PRR16: variants seen among roughly 807,000 people sequenced by gnomAD.
PRR16 encodes the protein protein Largen.
In PRR16, 6 loss-of-function variants were observed where a neutral mutation model predicts 18.2. The observed-to-expected ratio is 0.33, with a 90% CI of 0.18 to 0.65. The LOEUF (loss-of-function observed/expected upper bound fraction) is 0.65, where lower values mean the gene tolerates loss of function less well. Among genes scored for constraint, PRR16 ranks in the 30% least tolerant of loss-of-function variants. PRR16 has a pLI of 0.74. For missense variants in PRR16, 412 were observed against 376.6 expected (o/e 1.09, Z -0.78); for synonymous variants, 151 against 147.8 (o/e 1.02, Z -0.16).
chr5:120,757,736 G>T, the PRR16 span, among the ~76,000 whole-genome samples: 1 of 151,932 alleles, frequency 6.6e-6, no homozygotes, highest in Non-Finnish European at 1.5e-5. Flanking sequence ...TCATAGGTTT[G>T]GTGAATTGGC....
chr5:120,641,070 G>A (rs1052866534), intron 1 of PRR16, among the ~76,000 whole-genome samples: 2 of 152,140 alleles, frequency 1.3e-5, no homozygotes, highest in African/African-American at 4.8e-5. Flanking sequence ...GGAGCCAAAG[G>A]GTAATAACAA....
chr5:120,544,752 C>T (rs1752023851), intron 1 of PRR16, among the ~76,000 whole-genome samples: 1 of 152,058 alleles, frequency 6.6e-6, no homozygotes, highest in Non-Finnish European at 1.5e-5. Flanking sequence ...GTTGCCCAGG[C>T]TGGTTTTGAG....
In PRR16 at chr5:120,670,347, G is replaced by C. The variant is rs72794349; in HGVS notation, c.160-15607G>C. On this transcript the variant is annotated intron_variant, in intron 1 of 1. Coordinates refer to ENST00000407149, the MANE Select transcript of PRR16 (RefSeq NM_001300783.2). ...AAAGTGAATGTTGAAGTCTTTCTGG[G>C]ATTTGGCAACAGAATGAGAGCTGTA... Among the ~76,000 whole-genome samples the C allele has an allele frequency of 9.5e-3, 1,449 of 152,066 alleles. 16 individuals carry two copies. The highest frequency in any genetic ancestry group is 0.017 in the Non-Finnish European group (1,122 of 67,958).
chr5:120,634,660 A>G (rs1370791888), intron 1 of PRR16, among the ~76,000 whole-genome samples: 1 of 152,138 alleles, frequency 6.6e-6, no homozygotes, highest in Admixed American at 6.5e-5. Flanking sequence ...TAAAAAATTA[A>G]GTCTGAAAGA....
chr5:120,647,078 T>G (rs1240596480), intron 1 of PRR16, among the ~76,000 whole-genome samples: 1 of 151,986 alleles, frequency 6.6e-6, no homozygotes, highest in Non-Finnish European at 1.5e-5. Flanking sequence ...AAAGTCAGAT[T>G]AAATGCCTTC....
the PRR16 span, among the ~76,000 whole-genome samples, chr5:120,754,600 TA>T: frequency 1.2e-5 from 1 of 86,034 alleles, no homozygotes; most frequent in African/African-American, 4.7e-5. Flanking sequence ...ATATAATATA[TA>T]TCGTTATATA....
intron 1 of PRR16, among the ~76,000 whole-genome samples, chr5:120,543,242 A>G (rs1255017978): frequency 6.6e-6 from 1 of 152,154 alleles, no homozygotes; most frequent in African/African-American, 2.4e-5. Context: ...TCAAAAACGG[A>G]TGAAAACTTG....
chr5:120,484,214 G>A (rs113738541), intron 1 of PRR16, among the ~76,000 whole-genome samples: 1,985 of 151,078 alleles, frequency 0.013, 16 homozygotes, highest in Middle Eastern at 0.11. Flanking sequence ...CTTTTAAAAT[G>A]TGAGGCAAAT....
the PRR16 span, among the ~76,000 whole-genome samples, chr5:120,699,265 G>A: frequency 4.6e-5 from 7 of 152,112 alleles, no homozygotes; most frequent in Admixed American, 2.6e-4. Context: ...TCTAAGAGGC[G>A]GGCTAGTGGC....
chr5:120,737,643 CTTTTTTTTTTT>C, the PRR16 span, among the ~76,000 whole-genome samples: 3 of 141,668 alleles, frequency 2.1e-5, no homozygotes, highest in East Asian at 6.1e-4. Flanking sequence ...TTCTTTCTTT[CTTTTTTTTTTT>C]GGAAGAGTTT....
intron 1 of PRR16, among the ~76,000 whole-genome samples, chr5:120,587,235 A>C (rs537718323): frequency 6.6e-6 from 1 of 152,350 alleles, no homozygotes; most frequent in South Asian, 2.1e-4. Context: ...ATAACATAAA[A>C]GTGCAATATA....
the PRR16 span, among the ~76,000 whole-genome samples, chr5:120,732,003 C>A: frequency 6.6e-6 from 1 of 152,158 alleles, no homozygotes; most frequent in Non-Finnish European, 1.5e-5. Flanking sequence ...CAGGAATAGT[C>A]ACTGACCCTG....
the PRR16 span, among the ~76,000 whole-genome samples, chr5:120,779,283 G>A: frequency 1.3e-5 from 2 of 152,110 alleles, no homozygotes; most frequent in African/African-American, 4.8e-5. Context: ...CAGGGATTTA[G>A]GATGAAAAAG....
Position 120,471,205 on chromosome 5 carries a change from G to T in PRR16, c.159+6560G>T, listed in dbSNP as rs566972653. ...AATTAGACCTTGCAATTTAAAATTT[G>T]CAAATAAAGATGTGCTGTGATTAAT... is the stretch of plus-strand genomic sequence containing the variant. On this transcript the variant is annotated intron_variant, in intron 1 of 1. Coordinates refer to ENST00000407149, the MANE Select transcript of PRR16 (RefSeq NM_001300783.2). 1.8e-4 allele frequency among the ~76,000 whole-genome samples: 28 copies of T among 152,196 alleles called. 1 individual carries two copies. The East Asian group carries it at 5.2e-3, about 28-fold the overall frequency.
chr5:120,480,624 G>A (rs1300457272), intron 1 of PRR16, among the ~76,000 whole-genome samples: 1 of 152,090 alleles, frequency 6.6e-6, no homozygotes, highest in Non-Finnish European at 1.5e-5. Flanking sequence ...ACCATATTAT[G>A]TTATTTTTGG....
chr5:120,786,754 C>T, the PRR16 span, among the ~76,000 whole-genome samples: 1 of 151,894 alleles, frequency 6.6e-6, no homozygotes, highest in African/African-American at 2.4e-5. Context: ...CTGTCTTTGG[C>T]ATTTTTAAAT....
rs1465116122 is a variant in PRR16, at chr5:120,520,224, G to A, written c.159+55579G>A. On this transcript the variant is annotated intron_variant, in intron 1 of 1. Coordinates refer to ENST00000407149, the MANE Select transcript of PRR16 (RefSeq NM_001300783.2). ...CAGTCTGGCCACATAGTGAAACCTT[G>A]TATCCACTAAAAATACAAAAATTAG... is the stretch of plus-strand genomic sequence containing the variant. Among the ~76,000 whole-genome samples, 4 of 152,134 alleles carry A rather than the reference G, an allele frequency of 2.6e-5. No individual in the cohort carries two copies. The South Asian group carries it at 8.3e-4, about 32-fold the overall frequency.
intron 1 of PRR16, among the ~76,000 whole-genome samples, chr5:120,588,070 G>A (rs953021075): frequency 2.6e-5 from 4 of 152,160 alleles, no homozygotes; most frequent in South Asian, 2.1e-4. Context: ...TGTGTAAATA[G>A]CAAGAGAACT....
At chr5:120,544,856 T>C (rs957819365) in intron 1 of PRR16, among the ~76,000 whole-genome samples, 2 of 152,132 alleles carry the variant, frequency 1.3e-5, no homozygotes, top group Admixed American at 6.6e-5. Flanking sequence ...TTCAGTACTC[T>C]TTTGAAAAAT....
Sources: allele counts gnomAD v4.1 joint callset (sites outside exome capture counted in the v4.1 genomes callset), GRCh38; gene constraint gnomAD v4.1.1; transcripts MANE v1.5; gene names NCBI Gene and HGNC (gene_info 2026-07-23, HGNC 2026-07-21).